Variants in CMPK2 observed in about 807,000 individuals in gnomAD.
CMPK2 encodes the protein cytidine/uridine monophosphate kinase 2.
A neutral mutation model predicts 33.4 loss-of-function variants in CMPK2; 32 were observed. The ratio of observed to expected loss-of-function variants is 0.96; its 90% confidence interval spans 0.72 to 1.29. CMPK2 has a LOEUF of 1.29. Among genes scored for constraint, CMPK2 ranks in the 50% most tolerant of loss-of-function variants. The probability of loss-of-function intolerance (pLI) is 0.00; values close to 1 mark genes in which losing one functional copy is unlikely to be tolerated. For missense variants in CMPK2, 672 were observed against 616.0 expected, an observed-to-expected ratio of 1.09 and a Z score of -0.96; for synonymous variants, 299 against 275.3, an observed-to-expected ratio of 1.09 and a Z score of -0.85.
rs557271007 is a variant in CMPK2, at chr2:6,843,227, C to T, written c.993-2549G>A. Among the ~76,000 whole-genome samples, 158 of 152,230 alleles carry T rather than the reference C, an allele frequency of 1.0e-3. 2 individuals are homozygous for T. The highest frequency in any genetic ancestry group is 3.7e-3 in the African/African-American group (155 of 41,536). On this transcript the variant is annotated intron_variant, in intron 3 of 3. Transcript: ENST00000458098. ...GCAATAGCATGCAGAAAAAGACTTC[C>T]TTTAGGTCCCACACTGTGAACCATT... is the stretch of plus-strand genomic sequence containing the variant.
chr2:6,855,447 A>C (rs551775040), intron 3 of CMPK2, among the ~76,000 whole-genome samples: 3 of 151,920 alleles, frequency 2.0e-5, no homozygotes, highest in Non-Finnish European at 4.4e-5. Context: ...AGCCATGCAG[A>C]ATTGTCAGTC....
intron 4 of CMPK2, among the ~76,000 whole-genome samples, chr2:6,850,380 C>T (rs952435160): frequency 1.3e-5 from 2 of 152,208 alleles, no homozygotes; most frequent in African/African-American, 4.8e-5. Context: ...AAGCCACAGT[C>T]CTTAATATAT....
intron 3 of CMPK2, among the ~76,000 whole-genome samples, chr2:6,856,995 A>G (rs1662723770): frequency 6.6e-6 from 1 of 152,252 alleles, no homozygotes; most frequent in Admixed American, 6.5e-5. Flanking sequence ...AGTAGGCAGG[A>G]GCAATCTTCC....
chr2:6,858,441 A>G (rs1451753495), intron 3 of CMPK2, among the ~76,000 whole-genome samples: 1 of 152,224 alleles, frequency 6.6e-6, no homozygotes, highest in Non-Finnish European at 1.5e-5. Context: ...CCATGAAAAT[A>G]GGGACTTATC....
intron 4 of CMPK2, chr2:6,851,164 C>T: frequency 8.1e-7 from 1 of 1,241,474 alleles, no homozygotes; most frequent in South Asian, 1.6e-5. Flanking sequence ...GAAACTGAGG[C>T]ACAGAGACAC....
At chr2:6,853,382 C>T (rs761367373) in intron 3 of CMPK2, among the ~76,000 whole-genome samples, 24 of 152,256 alleles carry the variant, frequency 1.6e-4, no homozygotes, top group South Asian at 4.2e-4. Context: ...CTGTGTCCCC[C>T]GCCCCACCTG....
At chr2:6,852,576 C>G (rs1433160591) in intron 3 of CMPK2, among the ~76,000 whole-genome samples, 4 of 152,194 alleles carry the variant, frequency 2.6e-5, no homozygotes, top group African/African-American at 7.2e-5. Context: ...CTACGTGACT[C>G]TACTGAAAAA....
At chr2:6,857,992 G>C (rs1453612454) in intron 3 of CMPK2, among the ~76,000 whole-genome samples, 1 of 152,130 alleles carries the variant, frequency 6.6e-6, no homozygotes, top group East Asian at 1.9e-4. Flanking sequence ...AGTGCACTCA[G>C]AATAAAATCC....
In CMPK2 at chr2:6,848,560, T is replaced by C. The variant is rs1662419318; in HGVS notation, c.*1290A>G. ...ATATAGAAATTACCTATAGCTCTTTTAAAAATCCTATGACATTAACATGAA... is the reference window on the plus strand; with the variant it reads ...ATATAGAAATTACCTATAGCTCTTTCAAAAATCCTATGACATTAACATGAA... On this transcript the variant is annotated 3_prime_UTR_variant, in exon 5 of 5. Coordinates refer to ENST00000256722, the MANE Select transcript of CMPK2 (RefSeq NM_207315.4). 1 of 953,456 alleles carries C rather than the reference T, an allele frequency of 1.0e-6. No homozygotes were observed. Among genetic ancestry groups the C allele is most frequent in the Non-Finnish European group, 1.2e-6 (1 of 800,946 alleles). 59.1% of individuals were successfully genotyped at this position (953,456 alleles called of 1,614,324 possible). A position where few individuals can be genotyped will look rare whatever the true frequency, so the allele number is the denominator to read the frequency against.
Position 6,865,887 on chromosome 2 carries a change from C to A in CMPK2, c.-191G>T. 7.1e-7 allele frequency: 1 copy of A among 1,407,706 alleles called. No individual in the cohort carries two copies. 87.2% of individuals were successfully genotyped at this position (1,407,706 alleles called of 1,614,324 possible). A position where few individuals can be genotyped will look rare whatever the true frequency, so the allele number is the denominator to read the frequency against. Reference sequence around the variant, plus strand: ...TGGGGCTGGGGCGCCCTTCCGGCCTCTCCTCCTCGCCGCGAGATGTGCGCG... The same window carrying A: ...TGGGGCTGGGGCGCCCTTCCGGCCTATCCTCCTCGCCGCGAGATGTGCGCG... On this transcript the variant is annotated 5_prime_UTR_variant, in exon 1 of 5. Coordinates refer to ENST00000256722, the MANE Select transcript of CMPK2 (RefSeq NM_207315.4).
At chr2:6,842,410 A>T (rs967325319) in intron 3 of CMPK2, among the ~76,000 whole-genome samples, 8 of 152,196 alleles carry the variant, frequency 5.3e-5, no homozygotes, top group African/African-American at 1.9e-4. Context: ...CAATCAGGTC[A>T]TTCCTCATGC....
intron 3 of CMPK2, among the ~76,000 whole-genome samples, chr2:6,841,984 C>T (rs963531185): frequency 6.6e-6 from 1 of 152,158 alleles, no homozygotes; most frequent in Non-Finnish European, 1.5e-5. Flanking sequence ...CTTAGCTTTG[C>T]TTAGTTCAAG....
rs1294508542 is a variant in CMPK2, at chr2:6,849,044, G to A, written c.*806C>T. 7.1e-6 allele frequency: 7 copies of A among 982,704 alleles called. No homozygotes were observed. In the South Asian group the frequency reaches 1.4e-4, roughly 20 times the overall value. The allele number at this position is 982,704 out of a possible 1,614,324, so 60.9% of individuals were successfully genotyped here. A position where few individuals can be genotyped will look rare whatever the true frequency, so the allele number is the denominator to read the frequency against. On this transcript the variant is annotated 3_prime_UTR_variant, in exon 5 of 5. Transcript: ENST00000256722. The stretch of plus-strand genomic sequence containing the variant: ...TATAGATTAATATAAATAAATTACT[G>A]GATTGGCTAAATGAAATGCATCCAG...
At chr2:6,840,800 G>T (rs12617815) in intron 3 of CMPK2, 36,975 of 629,482 alleles carry the variant, frequency 0.059, 1,861 homozygotes, top group East Asian at 0.18. Context: ...GCTAGAACTG[G>T]GCCAGGGAGG....
chr2:6,865,974 G>A (rs1288013272), upstream of CMPK2: 15 of 972,582 alleles, frequency 1.5e-5, no homozygotes, highest in Non-Finnish European at 1.9e-5. Flanking sequence ...GCGGCTCCGC[G>A]GGCCTGCGCG....
chr2:6,844,494 C>A (rs1662308769), downstream of CMPK2, among the ~76,000 whole-genome samples: 1 of 152,172 alleles, frequency 6.6e-6, no homozygotes, highest in African/African-American at 2.4e-5. Flanking sequence ...CTATCATGGA[C>A]AACTTACAAT....
chr2:6,843,384 A>G (rs544616149), downstream of CMPK2, among the ~76,000 whole-genome samples: 2 of 152,248 alleles, frequency 1.3e-5, no homozygotes, highest in South Asian at 2.1e-4. Context: ...CTGTACCCCT[A>G]ATAGTGGAGT....
Position 6,842,393 on chromosome 2 carries a change from G to A in CMPK2, c.993-1715C>T, listed in dbSNP as rs528526582. 5.9e-5 allele frequency among the ~76,000 whole-genome samples: 9 copies of A among 152,296 alleles called. No homozygotes were observed. The East Asian group carries it at 1.2e-3, about 20-fold the overall frequency. On this transcript the variant is annotated intron_variant, in intron 3 of 3. Coordinates refer to the CMPK2 transcript ENST00000458098. ...TAACAGTCCCTTTACATTATAGGGG[G>A]TGTAAACAATCAGGTCATTCCTCAT...
In CMPK2 at chr2:6,849,766, T is replaced by G; in HGVS notation, c.*84A>C. 1 of 1,577,554 alleles carries G rather than the reference T, an allele frequency of 6.3e-7. No individual in the cohort carries two copies. The stretch of plus-strand genomic sequence containing the variant: ...CACAACATGCTTGTAGAACAGAAAT[T>G]TGGGAACACTGCATAACAAATGGTG... On this transcript the variant is annotated 3_prime_UTR_variant, in exon 5 of 5. Transcript: ENST00000256722.
Sources: gnomAD v4.1 joint callset for allele counts (sites outside exome capture counted in the v4.1 genomes callset) on GRCh38, gnomAD v4.1.1 for gene constraint, MANE v1.5 for transcripts, NCBI Gene and HGNC (gene_info 2026-07-23, HGNC 2026-07-21) for gene names.